RIMS1: variants seen among roughly 807,000 people sequenced by gnomAD.
The protein encoded by RIMS1 is regulating synaptic membrane exocytosis protein 1.
In RIMS1, 83 loss-of-function variants were observed where a neutral mutation model predicts 214.1. The observed-to-expected ratio is 0.39, with a 90% CI of 0.32 to 0.47. The LOEUF is 0.47. RIMS1 is among the 20% of genes least tolerant of loss of function. The pLI is 0.99. For synonymous variants in RIMS1, 793 were observed against 786.8 expected (o/e 1.01, Z -0.13); for missense variants, 2,050 against 2,161.8 (o/e 0.95, Z 1.03).
At chr6:72,050,960 CA>C (rs1333378719) in intron 2 of RIMS1, among the ~76,000 whole-genome samples, 1 of 152,068 alleles carries the variant, frequency 6.6e-6, no homozygotes, top group African/African-American at 2.4e-5. Flanking sequence ...ACCTTTGAGA[CA>C]AGAAGCAATT....
At chr6:72,053,363 G>A (rs1825255318) in intron 2 of RIMS1, among the ~76,000 whole-genome samples, 1 of 152,148 alleles carries the variant, frequency 6.6e-6, no homozygotes, top group African/African-American at 2.4e-5. Context: ...TTCTGGGAAA[G>A]AAAACAGAGA....
intron 16 of RIMS1, among the ~76,000 whole-genome samples, chr6:72,257,586 A>C (rs1247394196): frequency 3.3e-5 from 5 of 152,158 alleles, no homozygotes; most frequent in Non-Finnish European, 7.4e-5. Flanking sequence ...ATTCACAATG[A>C]GTATAATGGT....
chr6:72,062,429 G>C lies in RIMS1; in HGVS notation c.246-34520G>C, dbSNP rs373425920. Among the ~76,000 whole-genome samples the C allele has an allele frequency of 1.3e-3, 203 of 152,102 alleles. 8 individuals carry two copies. In the South Asian group the frequency reaches 0.04, roughly 30 times the overall value. On this transcript the variant is annotated intron_variant, in intron 2 of 33. Transcript: ENST00000521978. ...AACCTTTGTTAAGTACTGACTATAT[G>C]GAGAATAGTTTGCTAGTTATCAGAT... is the stretch of plus-strand genomic sequence containing the variant.
intron 24 of RIMS1, among the ~76,000 whole-genome samples, chr6:72,289,995 T>C (rs74619392): frequency 2.0e-5 from 3 of 152,328 alleles, no homozygotes; most frequent in African/African-American, 7.2e-5. Context: ...AGTAATATAG[T>C]TGTCAAAATA....
chr6:72,163,537 A>T lies in RIMS1; in HGVS notation c.472-16038A>T, dbSNP rs984498926. Among the ~76,000 whole-genome samples, 11 of 139,790 alleles carry T rather than the reference A, an allele frequency of 7.9e-5. 1 individual carries two copies. The highest frequency in any genetic ancestry group is 3.7e-4 in the Admixed American group (5 of 13,650). The allele number at this position is 139,790 out of a possible 152,430, so 91.7% of individuals were successfully genotyped here. On this transcript the variant is annotated intron_variant, in intron 4 of 33. Transcript: ENST00000521978. ...TTTTATCTACCTTTGGTCTTTGATG[A>T]TGGTGATGTATAAATGGGTTTTTGG...
At chr6:72,249,101 T>A (rs1245725596) in intron 12 of RIMS1, among the ~76,000 whole-genome samples, 1 of 152,200 alleles carries the variant, frequency 6.6e-6, no homozygotes, top group Non-Finnish European at 1.5e-5. Flanking sequence ...TTCCTTACCA[T>A]GAAAAGCTAA....
At chr6:72,120,096 T>C (rs2037944504) in intron 4 of RIMS1, among the ~76,000 whole-genome samples, 1 of 151,848 alleles carries the variant, frequency 6.6e-6, no homozygotes, top group Non-Finnish European at 1.5e-5. Context: ...CTATTGTGAA[T>C]AGTGTCCCAA....
rs532258969 is a variant in RIMS1 at position 71,947,843 on chromosome 6, C to T, written c.165-21140C>T. 1.6e-4 allele frequency among the ~76,000 whole-genome samples: 24 copies of T among 151,982 alleles called. No homozygotes were observed. In the South Asian group the frequency reaches 5.0e-3, roughly 32 times the overall value. On this transcript the variant is annotated intron_variant, in intron 1 of 33. Coordinates refer to ENST00000521978, the MANE Select transcript of RIMS1 (RefSeq NM_014989.7). The stretch of plus-strand genomic sequence containing the variant: ...AAAAATAAAATTAACAAAATACAAA[C>T]ATATACATACACATATATATTATAT...
At chr6:71,916,257 C>A (rs1297001015) in intron 1 of RIMS1, among the ~76,000 whole-genome samples, 1 of 152,016 alleles carries the variant, frequency 6.6e-6, no homozygotes, top group Non-Finnish European at 1.5e-5. Context: ...AATGAGCTCC[C>A]AGGATAGGTT....
chr6:72,036,491 C>G (rs1032753075), intron 2 of RIMS1, among the ~76,000 whole-genome samples: 1 of 152,082 alleles, frequency 6.6e-6, no homozygotes, highest in Non-Finnish European at 1.5e-5. Flanking sequence ...TTCCTGTACC[C>G]AAAGCTGCTG....
rs145291420 is a variant in RIMS1, at chr6:71,925,967, A to G, written c.164+38780A>G. 6.1e-3 allele frequency among the ~76,000 whole-genome samples: 934 copies of G among 152,352 alleles called. 9 individuals are homozygous for G. The highest frequency in any genetic ancestry group is 0.021 in the African/African-American group (876 of 41,580). ...AATAGACAACTTGATACATTTTCAT[A>G]AAGTGAATACATCCTTGTAACCACC... On this transcript the variant is annotated intron_variant, in intron 1 of 33. Transcript: ENST00000521978.
At chr6:72,221,089 G>A (rs1238923741) in intron 6 of RIMS1, among the ~76,000 whole-genome samples, 2 of 151,994 alleles carry the variant, frequency 1.3e-5, no homozygotes, top group Non-Finnish European at 1.5e-5. Context: ...GCTTGAAGCT[G>A]TCCCCTTTGA....
At chr6:72,365,225 C>T (rs572884323) in intron 29 of RIMS1, among the ~76,000 whole-genome samples, 2 of 152,338 alleles carry the variant, frequency 1.3e-5, no homozygotes, top group South Asian at 4.1e-4. Context: ...CATTCTTTTA[C>T]GTTCTTTCTC....
intron 4 of RIMS1, among the ~76,000 whole-genome samples, chr6:72,104,799 T>A (rs9358992): frequency 0.3 from 45,079 of 151,910 alleles, 7,439 homozygotes; most frequent in East Asian, 0.43. Context: ...TGTTTTTTTT[T>A]AAAAAATAAT....
At chr6:72,095,506 A>C (rs1479957175) in intron 2 of RIMS1, among the ~76,000 whole-genome samples, 3 of 152,210 alleles carry the variant, frequency 2.0e-5, no homozygotes, top group Non-Finnish European at 4.4e-5. Flanking sequence ...GCTGGCCTTT[A>C]AATTGGGAAA....
At chr6:72,094,000 G>A (rs2030206558) in intron 2 of RIMS1, among the ~76,000 whole-genome samples, 1 of 152,064 alleles carries the variant, frequency 6.6e-6, no homozygotes, top group South Asian at 2.1e-4. Flanking sequence ...ATACTTTCCA[G>A]CTCAAACGTA....
chr6:72,124,910 C>A (rs150335332), intron 4 of RIMS1, among the ~76,000 whole-genome samples: 1 of 152,118 alleles, frequency 6.6e-6, no homozygotes, highest in African/African-American at 2.4e-5. Flanking sequence ...AGCTTCCTTG[C>A]GATGGGTTCA....
At chr6:72,216,684 T>G (rs2496536) in intron 6 of RIMS1, 364,690 of 985,168 alleles carry the variant, frequency 0.37, 72,582 homozygotes, top group East Asian at 0.82. Flanking sequence ...CCTTGTCATC[T>G]TAATCCATGG....
At chr6:71,972,143 G>A (rs1242865924) in intron 2 of RIMS1, among the ~76,000 whole-genome samples, 1 of 152,138 alleles carries the variant, frequency 6.6e-6, no homozygotes, top group Non-Finnish European at 1.5e-5. Context: ...AAGTAGTAAA[G>A]AACCAGAAGC....
Sources: gnomAD v4.1 joint callset for allele counts (sites outside exome capture counted in the v4.1 genomes callset) on GRCh38, gnomAD v4.1.1 for gene constraint, MANE v1.5 for transcripts, NCBI Gene and HGNC (gene_info 2026-07-23, HGNC 2026-07-21) for gene names.